Variants in FSD2 observed in about 807,000 individuals in gnomAD.
FSD2 encodes the protein fibronectin type III and SPRY domain containing 2, also known as fibronectin type III and SPRY domain-containing protein 2.
A neutral mutation model predicts 80.4 loss-of-function variants in FSD2; 71 were observed. The observed-to-expected ratio is 0.88, with a 90% CI of 0.73 to 1.08. The LOEUF is 1.08. Ranked by LOEUF, FSD2 falls within the 50% of genes least tolerant of loss-of-function variation. FSD2 has a pLI of 0.00. For synonymous variants in FSD2, 361 were observed against 329.5 expected, an observed-to-expected ratio of 1.10 and a Z score of -1.03; for missense variants, 923 against 913.8, an observed-to-expected ratio of 1.01 and a Z score of -0.13.
In FSD2 at chr15:82,759,242, A is replaced by G; in HGVS notation, c.*106T>C. ...AGTCAGATAATAGCATGAGCCATAAATTGTGCTGGGCACATGGTGCTTAAG... is the reference window on the plus strand; with the variant it reads ...AGTCAGATAATAGCATGAGCCATAAGTTGTGCTGGGCACATGGTGCTTAAG... On this transcript the variant is annotated 3_prime_UTR_variant, in exon 13 of 13. Coordinates refer to ENST00000334574, the MANE Select transcript of FSD2 (RefSeq NM_001007122.4). 2 of 1,234,764 alleles carry G rather than the reference A, an allele frequency of 1.6e-6. No homozygotes were observed. The highest frequency in any genetic ancestry group is 3.1e-5 in the South Asian group (2 of 65,302). 76.5% of individuals were successfully genotyped at this position (1,234,764 alleles called of 1,614,324 possible).
At chr15:82,779,504 A>C (rs992568454) in intron 5 of FSD2, among the ~76,000 whole-genome samples, 1 of 152,060 alleles carries the variant, frequency 6.6e-6, no homozygotes, top group African/African-American at 2.4e-5. Flanking sequence ...GTCTCTACTA[A>C]AAATACAAAA....
At chr15:82,798,894 T>TTTG (rs1566983142) in intron 1 of FSD2, among the ~76,000 whole-genome samples, 1 of 150,816 alleles carries the variant, frequency 6.6e-6, no homozygotes, top group Non-Finnish European at 1.5e-5. Flanking sequence ...TTTTTTTTTT[T>TTTG]TGAGACAGGG....
chr15:82,804,465 C>T (rs1368942636), intron 1 of FSD2, among the ~76,000 whole-genome samples: 1 of 152,132 alleles, frequency 6.6e-6, no homozygotes, highest in Non-Finnish European at 1.5e-5. Flanking sequence ...TGTATCTGGG[C>T]TACTCTGTAT....
At position 82,786,997 on chromosome 15, in the gene FSD2, G is replaced by T; in HGVS notation, c.394C>A (p.Leu132Met). 1 of 1,613,974 alleles carries T rather than the reference G, an allele frequency of 6.2e-7. No homozygotes were observed. The highest frequency in any genetic ancestry group is 8.5e-7 in the Non-Finnish European group (1 of 1,179,884). The change falls in exon 2 of 13, where the codon CTG becomes ATG. Residue 132 changes from leucine to methionine, a missense_variant. Coordinates refer to ENST00000334574, the MANE Select transcript of FSD2 (RefSeq NM_001007122.4). The stretch of plus-strand genomic sequence containing the variant: ...GCTGAGCCCCACCCTCCGAAGCCCA[G>T]GTCCTCGGCCTCCGCTGCCTCTCCA... Reference protein sequence around the residue: ...LSGEAAEAEDLGFGGWGSAGQ... With the variant: ...LSGEAAEAEDMGFGGWGSAGQ...
At chr15:82,771,323 C>A (rs929034569) in intron 7 of FSD2, among the ~76,000 whole-genome samples, 2 of 152,244 alleles carry the variant, frequency 1.3e-5, no homozygotes, top group African/African-American at 4.8e-5. Context: ...CTCTTTCCAG[C>A]AATCCCACTT....
In FSD2 at chr15:82,783,120, AC is replaced by A; in HGVS notation, c.736-96del. 6 of 924,372 alleles carry A rather than the reference AC, an allele frequency of 6.5e-6. No homozygotes were observed. In the South Asian group the frequency reaches 9.7e-5, roughly 15 times the overall value. The allele number at this position is 924,372 out of a possible 1,614,324, so 57.3% of individuals were successfully genotyped here. On this transcript the variant is annotated intron_variant, in intron 3 of 12. Coordinates refer to ENST00000334574, the MANE Select transcript of FSD2 (RefSeq NM_001007122.4). ...GTTTTTTTGTTTGTTTGTTTTTGAG[AC>A]ACAGTCTTGCAGTGTTGCCCAGGCT...
Position 82,765,949 on chromosome 15 carries a change from T to C in FSD2, c.1636A>G (p.Asn546Asp). The C allele has an allele frequency of 6.2e-7, 1 of 1,608,184 alleles. No individual in the cohort carries two copies. Among genetic ancestry groups the C allele is most frequent in the South Asian group, 1.1e-5 (1 of 89,450 alleles). Residue 546 changes from asparagine (N) to aspartate (D), a missense_variant, in exon 10 of 13, where the codon AAT (asparagine) becomes GAT (aspartate). Asn to Asp is a conservative substitution (Grantham distance 23, BLOSUM62 1). Transcript: ENST00000334574. ...RSYIIYVRAL[N>D]MGGPSVRSEP... The stretch of plus-strand genomic sequence containing the variant: ...CTCCTCACGCTGGGGCCCCCCATAT[T>C]GAGGGCTCGCACATAGATAATGTAG...
At chr15:82,775,765 G>A (rs185333684) in intron 6 of FSD2, among the ~76,000 whole-genome samples, 6 of 152,204 alleles carry the variant, frequency 3.9e-5, no homozygotes, top group Admixed American at 3.3e-4. Flanking sequence ...TAATGTAGGC[G>A]CTTATTGCTA....
At chr15:82,778,923 G>T in intron 5 of FSD2, 36 bp from the exon 6 acceptor site, 1 of 1,610,354 alleles carries the variant, frequency 6.2e-7, no homozygotes, top group South Asian at 1.1e-5. Context: ...CTAGAATGGA[G>T]GGGCATTCTC....
Position 82,762,335 on chromosome 15 carries a change from A to G in FSD2, c.1821-57T>C, listed in dbSNP as rs1012104520. On this transcript the variant is annotated intron_variant, in intron 11 of 12. Coordinates refer to ENST00000334574, the MANE Select transcript of FSD2 (RefSeq NM_001007122.4). ...TGGGGTGCCCCAAGCCTGGCTGTGC[A>G]GGTCAGTGATGCCAGTTGCTGGGAT... The G allele has an allele frequency of 7.0e-5, 109 of 1,555,810 alleles. 1 individual carries two copies. The Admixed American group carries it at 1.2e-3, about 17-fold the overall frequency.
intron 7 of FSD2, among the ~76,000 whole-genome samples, chr15:82,771,485 C>A (rs1315011427): frequency 6.6e-6 from 1 of 152,322 alleles, no homozygotes; most frequent in East Asian, 1.9e-4. Flanking sequence ...CCTACCCCAG[C>A]TGTAACCCCA....
intron 9 of FSD2, among the ~76,000 whole-genome samples, chr15:82,767,380 G>A (rs1276607049): frequency 6.6e-6 from 1 of 152,214 alleles, no homozygotes; most frequent in Non-Finnish European, 1.5e-5. Context: ...GCAGGAAGGA[G>A]CATGAAAAGT....
In FSD2 at chr15:82,772,180, C is replaced by T. The variant is rs541070001; in HGVS notation, c.1160G>A (p.Gly387Asp). The change falls in exon 7 of 13, where the codon GGT becomes GAT. Residue 387 changes from glycine to aspartate, a missense_variant. Physicochemically the swap from Gly to Asp is moderately conservative, Grantham distance 94. Transcript: ENST00000334574. ...INPQVPNSAT[G>D]SSVRVCWSLY... ...GCTCCAGCACACTCGGACTGAGGAA[C>T]CTGTGGCTGAGTTAGGGACCTGTGG... 1.9e-6 allele frequency: 3 copies of T among 1,612,654 alleles called. No individual in the cohort carries two copies. The South Asian group carries it at 3.3e-5, about 18-fold the overall frequency.
At chr15:82,801,583 A>G (rs2050413795) in intron 1 of FSD2, among the ~76,000 whole-genome samples, 1 of 152,114 alleles carries the variant, frequency 6.6e-6, no homozygotes, top group Admixed American at 6.5e-5. Flanking sequence ...CCACACAGAG[A>G]GGTCGACTTC....
chr15:82,805,001 A>G (rs950142970), intron 1 of FSD2, among the ~76,000 whole-genome samples: 9 of 152,344 alleles, frequency 5.9e-5, no homozygotes, highest in African/African-American at 1.9e-4. Context: ...GCAATTAGTC[A>G]TAGTCCATTA....
In FSD2 at chr15:82,762,227, C is replaced by G; in HGVS notation, c.1872G>C (p.Trp624Cys). The G allele has an allele frequency of 6.2e-7, 1 of 1,613,984 alleles. No homozygotes were observed. Among genetic ancestry groups the G allele is most frequent in the Non-Finnish European group, 8.5e-7 (1 of 1,179,866 alleles). ...CCAAATGCTCATCCACCTCCACCTC[C>G]CAGTAATGGTGCCCTCGGACTGGAA... Reference protein sequence around the residue: ...NLIPVRGHHYWEVEVDEHLDY... With the variant: ...NLIPVRGHHYCEVEVDEHLDY... Residue 624 changes from tryptophan to cysteine, a missense_variant, in exon 12 of 13, where the codon TGG becomes TGC. By Grantham distance (215) the Trp-to-Cys change is radical. Coordinates refer to ENST00000334574, the MANE Select transcript of FSD2 (RefSeq NM_001007122.4).
At chr15:82,785,700 A>G (rs1027512564) in intron 3 of FSD2, among the ~76,000 whole-genome samples, 2 of 152,238 alleles carry the variant, frequency 1.3e-5, no homozygotes, top group East Asian at 1.9e-4. Context: ...AGAAGTGGGT[A>G]TTTTGCCTCT....
chr15:82,777,848 A>AT, intron 6 of FSD2, among the ~76,000 whole-genome samples: 1 of 145,086 alleles, frequency 6.9e-6, no homozygotes, highest in East Asian at 1.9e-4. Flanking sequence ...CTCTTTCTCA[A>AT]TTAAAAAAAA....
At position 82,799,122 on chromosome 15, in the gene FSD2, C is replaced by T. The variant is rs185174236; in HGVS notation, c.-79+6844G>A. 2.8e-3 allele frequency among the ~76,000 whole-genome samples: 431 copies of T among 152,246 alleles called. 2 individuals are homozygous for T. Among genetic ancestry groups the T allele is most frequent in the Admixed American group, 7.1e-3 (109 of 15,286 alleles). The stretch of plus-strand genomic sequence containing the variant: ...CAAACTCCTGCTTAAGCAATCCTCC[C>T]GCCTTGGTCTCCCAAAATGTTGGGA... On this transcript the variant is annotated intron_variant, in intron 1 of 12. Coordinates refer to ENST00000334574, the MANE Select transcript of FSD2 (RefSeq NM_001007122.4).
Sources: gnomAD v4.1 joint callset for allele counts (sites outside exome capture counted in the v4.1 genomes callset) on GRCh38, gnomAD v4.1.1 for gene constraint, MANE v1.5 for transcripts, NCBI Gene and HGNC (gene_info 2026-07-23, HGNC 2026-07-21) for gene names.